The following MFSD6L variants were observed in gnomAD, a reference collection of about 807,000 sequenced individuals.
MFSD6L encodes the protein major facilitator superfamily domain containing 6 like, also known as major facilitator superfamily domain-containing protein 6-like.
MFSD6L carries 9 observed loss-of-function variants against 6.4 expected under a neutral mutation model. The ratio of observed to expected loss-of-function variants is 1.42; its 90% confidence interval spans 0.85 to 2.47. The LOEUF is 2.47. Among genes scored for constraint, MFSD6L ranks in the 30% most tolerant of loss-of-function variants. The pLI is 0.00. For synonymous variants in MFSD6L, 336 were observed against 322.4 expected, an observed-to-expected ratio of 1.04 and a Z score of -0.45; for missense variants, 747 against 730.6, an observed-to-expected ratio of 1.02 and a Z score of -0.26.
In MFSD6L at chr17:8,797,903, C is replaced by T. The variant is rs146136364; in HGVS notation, c.1218G>A (p.Ser406=). The T allele has an allele frequency of 2.4e-5, 38 of 1,614,028 alleles. No individual in the cohort carries two copies. The highest frequency in any genetic ancestry group is 1.3e-4 in the Admixed American group (8 of 60,024). The change falls in exon 1 of 1, where the codon TCG becomes TCA. Residue 406 remains serine (S), a synonymous_variant. Coordinates refer to ENST00000329805, the MANE Select transcript of MFSD6L (RefSeq NM_152599.4). ...HGSGELVMGF[S]VALSLLGEIL... ...TTTCCCCCAGCAAGCTGAGGGCGAC[C>T]GAGAAACCCATGACCAGCTCGCCGC...
Position 8,798,981 on chromosome 17 carries a change from C to T in MFSD6L, c.140G>A (p.Trp47Ter), listed in dbSNP as rs2087023707. 1 of 1,613,866 alleles carries T rather than the reference C, an allele frequency of 6.2e-7. No individual in the cohort carries two copies. Among genetic ancestry groups the T allele is most frequent in the Non-Finnish European group, 8.5e-7 (1 of 1,179,976 alleles). The change falls in exon 1 of 1, where the codon TGG (tryptophan) becomes TAG (stop). Residue 47 changes from tryptophan (W) to a stop codon, truncating the protein, a stop_gained. Coordinates refer to ENST00000329805, the MANE Select transcript of MFSD6L (RefSeq NM_152599.4). LOFTEE classifies it low-confidence loss of function (END_TRUNC). ...YLRQLGLAAP[W>*]VGTLMGTKHL... ...CTTGGTTCCCATTAGGGTGCCCACC[C>T]AGGGCGCGGCCAAGCCCAGCTGCCT...
In MFSD6L at chr17:8,799,219, G is replaced by A. The variant is rs2087025621; in HGVS notation, c.-99C>T. Reference sequence around the variant, plus strand: ...CCGGGAGGGAGGCTTGGGGGACCGGGGCTCGGAGCGAGTGGGACTGCGCCC... The same window carrying A: ...CCGGGAGGGAGGCTTGGGGGACCGGAGCTCGGAGCGAGTGGGACTGCGCCC... On this transcript the variant is annotated 5_prime_UTR_variant, in exon 1 of 1. Transcript: ENST00000329805. This position sits in a 1 kb window ranked among gnomAD's most constrained non-coding sequence, Gnocchi z 5.3. The A allele has an allele frequency of 8.6e-7, 1 of 1,156,670 alleles. No individual in the cohort carries two copies. Among genetic ancestry groups the A allele is most frequent in the Non-Finnish European group, 1.2e-6 (1 of 854,090 alleles). 71.7% of individuals were successfully genotyped at this position (1,156,670 alleles called of 1,614,324 possible).
rs1184093827 is a variant in MFSD6L, at chr17:8,798,257, C to T, written c.864G>A (p.Trp288Ter). 6.2e-7 allele frequency: 1 copy of T among 1,608,966 alleles called. No homozygotes were observed. Among genetic ancestry groups the T allele is most frequent in the Non-Finnish European group, 8.5e-7 (1 of 1,180,010 alleles). Reference protein sequence around the residue: ...VDATDRYRSLWVWRLLGMSAG... With the variant: ...VDATDRYRSL Reference sequence around the variant, plus strand: ...CCGACATGCCCAGCAACCTCCAGACCCACAGGCTTCTGTATCGGTCAGTGG... The same window carrying T: ...CCGACATGCCCAGCAACCTCCAGACTCACAGGCTTCTGTATCGGTCAGTGG... Residue 288 changes from tryptophan (W) to a stop codon, truncating the protein, a stop_gained, in exon 1 of 1, where the codon TGG becomes TGA. Coordinates refer to ENST00000329805, the MANE Select transcript of MFSD6L (RefSeq NM_152599.4). LOFTEE classifies it low-confidence loss of function (END_TRUNC).
rs963579983 is a variant in MFSD6L, at chr17:8,798,070, G to T, written c.1051C>A (p.Pro351Thr). 6 of 1,614,102 alleles carry T rather than the reference G, an allele frequency of 3.7e-6. No homozygotes were observed. Among genetic ancestry groups the T allele is most frequent in the Non-Finnish European group, 5.1e-6 (6 of 1,180,030 alleles). The change falls in exon 1 of 1, where the codon CCC (proline) becomes ACC (threonine). Residue 351 changes from proline to threonine, a missense_variant. Physicochemically the swap from Pro to Thr is conservative, Grantham distance 38. Transcript: ENST00000329805. Reference sequence around the variant, plus strand: ...AGTGCTTTGACCCTTTTGTAGCTGGGCTCCCACTGCTGACAGATGGGAATG... The same window carrying T: ...AGTGCTTTGACCCTTTTGTAGCTGGTCTCCCACTGCTGACAGATGGGAATG... ...FPIPICQQWE[P>T]SYKRVKALSI...
chr17:8,799,077 AC>A lies in MFSD6L; in HGVS notation c.43del (p.Val15TrpfsTer16). ...GCACACCAGGTGGAAGAGCTTGGCC[AC>A]CCCCAGCGCCCTGCTGATGTCCCAC... is the stretch of plus-strand genomic sequence containing the variant. ...PRWDISRALG[V>X]AKLFHLVCGV... is the part of the protein sequence containing the mutation. On this transcript the variant is annotated frameshift_variant, in exon 1 of 1. Transcript: ENST00000329805. LOFTEE classifies it low-confidence loss of function (END_TRUNC). The surrounding 1 kb of genome is among the most constrained non-coding windows in gnomAD (Gnocchi z 5.3). 2.5e-6 allele frequency: 4 copies of A among 1,594,512 alleles called. No homozygotes were observed. The highest frequency in any genetic ancestry group is 4.5e-5 in the East Asian group (2 of 44,714).
chr17:8,797,804 G>A lies in MFSD6L; in HGVS notation c.1317C>T (p.Ser439=), dbSNP rs751928954. Residue 439 remains serine, a synonymous_variant, in exon 1 of 1, where the codon AGC becomes AGT. Coordinates refer to ENST00000329805, the MANE Select transcript of MFSD6L (RefSeq NM_152599.4). The part of the protein sequence containing the change: ...SRTGLVGLGL[S]CLAGQLLYYS... ...AGTACAGCAGCTGCCCAGCGAGGCA[G>A]CTCAGCCCCAGCCCCACCAGGCCCG... 3.7e-6 allele frequency: 6 copies of A among 1,613,870 alleles called. No homozygotes were observed. The highest frequency in any genetic ancestry group is 2.2e-5 in the East Asian group (1 of 44,894).
At position 8,797,845 on chromosome 17, in the gene MFSD6L, T is replaced by C; in HGVS notation, c.1276A>G (p.Arg426Gly). The C allele has an allele frequency of 6.2e-7, 1 of 1,613,326 alleles. No homozygotes were observed. Among genetic ancestry groups the C allele is most frequent in the South Asian group, 1.1e-5 (1 of 90,926 alleles). Residue 426 changes from arginine (R) to glycine (G), a missense_variant, in exon 1 of 1, where the codon AGG becomes GGG. Coordinates refer to ENST00000329805, the MANE Select transcript of MFSD6L (RefSeq NM_152599.4). ...LLHPFKATLL[R>G]KLSRTGLVGL... ...ACCAGGCCCGTCCTGGACAGTTTCCTAAGCAATGTAGCTTTGAACGGATGA... is the reference window on the plus strand; with the variant it reads ...ACCAGGCCCGTCCTGGACAGTTTCCCAAGCAATGTAGCTTTGAACGGATGA...
chr17:8,797,978 G>A lies in MFSD6L; in HGVS notation c.1143C>T (p.Ile381=), dbSNP rs201411331. ...ACAGAAAGTTCTGGACAGTACTGACGATGGCTCCTACCAAAACAGTGGTGG... is the reference window on the plus strand; with the variant it reads ...ACAGAAAGTTCTGGACAGTACTGACAATGGCTCCTACCAAAACAGTGGTGG... ...LASTTVLVGA[I]VSTVQNFLFW... is the part of the protein sequence containing the mutation. Residue 381 remains isoleucine (I), a synonymous_variant, in exon 1 of 1, where the codon ATC becomes ATT. Coordinates refer to ENST00000329805, the MANE Select transcript of MFSD6L (RefSeq NM_152599.4). 50 of 1,613,966 alleles carry A rather than the reference G, an allele frequency of 3.1e-5. No homozygotes were observed. The highest frequency in any genetic ancestry group is 8.8e-5 in the South Asian group (8 of 91,072).
At position 8,797,456 on chromosome 17, in the gene MFSD6L, C is replaced by T. The variant is rs143521615; in HGVS notation, c.1665G>A (p.Lys555=). The change falls in exon 1 of 1, where the codon AAG becomes AAA. Residue 555 remains lysine, a synonymous_variant. Transcript: ENST00000329805. ...TGTCACTCACCTCCATGGACAGCAG[C>T]TTCGAGTACTTGATTTTCCGCTCTC... The part of the protein sequence containing the change: ...LPRERKIKYS[K]LLSMEVSDTS... The T allele has an allele frequency of 3.6e-4, 581 of 1,614,000 alleles. 1 individual carries two copies. The highest frequency in any genetic ancestry group is 6.6e-4 in the Middle Eastern group (4 of 6,062).
Position 8,798,638 on chromosome 17 carries a change from G to A in MFSD6L, c.483C>T (p.Asp161=). Residue 161 remains aspartate (D), a synonymous_variant, in exon 1 of 1, where the codon GAC becomes GAT. Transcript: ENST00000329805. ...CGTGCAGATCACGGAAAGTTTCTCG[G>A]TCACTTTCACCAGGTGGGTTTCTGA... ...PGFRNPPGES[D]RETFRDLHVY... 2 of 1,614,096 alleles carry A rather than the reference G, an allele frequency of 1.2e-6. No individual in the cohort carries two copies. Among genetic ancestry groups the A allele is most frequent in the Middle Eastern group, 1.6e-4 (1 of 6,062 alleles).
rs200456872 is a variant in MFSD6L, at chr17:8,798,391, G to A, written c.730C>T (p.Arg244Trp). Residue 244 changes from arginine to tryptophan, a missense_variant, in exon 1 of 1, where the codon CGG becomes TGG. Physicochemically the swap from Arg to Trp is moderately radical, Grantham distance 101 (BLOSUM62 -3). Transcript: ENST00000329805. ...GACCCCAAGGAGAGGATAAAAGTCC[G>A]CCGCAACGCCTCCAAGGACAGGTCA... Reference protein sequence around the residue: ...AFDLSLEALRRTFILSLGSVA... With the variant: ...AFDLSLEALRWTFILSLGSVA... 6.2e-5 allele frequency: 100 copies of A among 1,611,948 alleles called. No individual in the cohort carries two copies. Among genetic ancestry groups the A allele is most frequent in the Non-Finnish European group, 7.7e-5 (91 of 1,179,280 alleles).
In MFSD6L at chr17:8,798,453, G is replaced by T. The variant is rs1318162128; in HGVS notation, c.668C>A (p.Ala223Asp). The change falls in exon 1 of 1, where the codon GCC becomes GAC. Residue 223 changes from alanine (A) to aspartate (D), a missense_variant. Physicochemically the swap from Ala to Asp is moderately radical, Grantham distance 126 (BLOSUM62 -2). Coordinates refer to ENST00000329805, the MANE Select transcript of MFSD6L (RefSeq NM_152599.4). ...TTTCCCCTTGGTCCCTGACAAATTG[G>T]CTGGATTCCCGGGCCCTTTCCCCCC... ...LPGGKGPGNP[A>D]NLSGTKGKAW... 6.2e-7 allele frequency: 1 copy of T among 1,606,948 alleles called. No homozygotes were observed. Among genetic ancestry groups the T allele is most frequent in the African/African-American group, 1.3e-5 (1 of 74,774 alleles).
rs1488698271 is a variant in MFSD6L, at chr17:8,797,173, TCTC to T, written c.*184_*186del. ...TAAAAAAGATTGGCAAAAAGTTAAA[TCTC>T]CTTTTACTTCAAAAGTAAAGAAAAT... On this transcript the variant is annotated 3_prime_UTR_variant, in exon 1 of 1. Transcript: ENST00000329805. The T allele has an allele frequency of 6.2e-6, 3 of 486,328 alleles. No homozygotes were observed. In the Admixed American group the frequency reaches 1.1e-4, roughly 19 times the overall value. 30.1% of individuals were successfully genotyped at this position (486,328 alleles called of 1,614,324 possible). A position where few individuals can be genotyped will look rare whatever the true frequency, so the allele number is the denominator to read the frequency against.
rs1312895492 is a variant in MFSD6L at position 8,798,699 on chromosome 17, G to A, written c.422C>T (p.Pro141Leu). 6 of 1,614,098 alleles carry A rather than the reference G, an allele frequency of 3.7e-6. No homozygotes were observed. Among genetic ancestry groups the A allele is most frequent in the Non-Finnish European group, 4.2e-6 (5 of 1,180,034 alleles). The stretch of plus-strand genomic sequence containing the variant: ...TTCCACCTCTGCAGTCCTCTTGGCT[G>A]GGTGGCTGGAGGCAGACTCTTGGGC... Reference protein sequence around the residue: ...TSAQESASSHPAKRTAEVEMP... With the variant: ...TSAQESASSHLAKRTAEVEMP... The change falls in exon 1 of 1, where the codon CCA becomes CTA. Residue 141 changes from proline (P) to leucine (L), a missense_variant. Physicochemically the swap from Pro to Leu is moderately conservative, Grantham distance 98. Transcript: ENST00000329805.
In MFSD6L at chr17:8,798,302, C is replaced by T. The variant is rs970643002; in HGVS notation, c.819G>A (p.Glu273=). The change falls in exon 1 of 1, where the codon GAG becomes GAA. Residue 273 remains glutamate (E), a synonymous_variant. Transcript: ENST00000329805. ...LEQVADDSLY[E]FLDFVDATDR... ...CAGTGGCATCCACAAAATCCAGGAA[C>T]TCATAAAGGCTGTCATCTGCCACCT... The T allele has an allele frequency of 6.2e-7, 1 of 1,607,906 alleles. No individual in the cohort carries two copies. The highest frequency in any genetic ancestry group is 1.7e-5 in the Admixed American group (1 of 60,004).
chr17:8,797,946 T>G lies in MFSD6L; in HGVS notation c.1175A>C (p.His392Pro). ...CTCGCCGCTCCCATGGTCCTTCATG[T>G]GCCAGAACAGAAAGTTCTGGACAGT... ...VSTVQNFLFW[H>P]MKDHGSGELV... Residue 392 changes from histidine (H) to proline (P), a missense_variant, in exon 1 of 1, where the codon CAC (histidine) becomes CCC (proline). Coordinates refer to ENST00000329805, the MANE Select transcript of MFSD6L (RefSeq NM_152599.4). 1 of 1,613,858 alleles carries G rather than the reference T, an allele frequency of 6.2e-7. No homozygotes were observed. Among genetic ancestry groups the G allele is most frequent in the Non-Finnish European group, 8.5e-7 (1 of 1,179,992 alleles).
chr17:8,798,931 GA>G lies in MFSD6L; in HGVS notation c.189del (p.Val65SerfsTer16), dbSNP rs2087023323. The G allele has an allele frequency of 3.7e-6, 6 of 1,613,822 alleles. No homozygotes were observed. The highest frequency in any genetic ancestry group is 1.7e-4 in the Middle Eastern group (1 of 6,060). ...CTTTTGGCCAGGAAGGCACAGACGG[GA>G]GCCCAGAAGGCAGCGATTAGGTGCT... ...GTKHLIAAFW[A>X]PVCAFLAKSY... is the part of the protein sequence containing the mutation. On this transcript the variant is annotated frameshift_variant, in exon 1 of 1. Transcript: ENST00000329805. LOFTEE classifies it low-confidence loss of function (END_TRUNC).
rs745459191 is a variant in MFSD6L at position 8,799,177 on chromosome 17, G to A, written c.-57C>T. 4 of 1,462,450 alleles carry A rather than the reference G, an allele frequency of 2.7e-6. No individual in the cohort carries two copies. In the Admixed American group the frequency reaches 9.8e-5, roughly 36 times the overall value. The allele number at this position is 1,462,450 out of a possible 1,614,324, so 90.6% of individuals were successfully genotyped here. The stretch of plus-strand genomic sequence containing the variant: ...GGAGGGCGGAGCTGGGCGCAGGGCG[G>A]GCGCGGCCCCAGGTACCCGGGAGGG... On this transcript the variant is annotated 5_prime_UTR_variant, in exon 1 of 1. Transcript: ENST00000329805. This position sits in a 1 kb window ranked among gnomAD's most constrained non-coding sequence, Gnocchi z 5.3.
In MFSD6L at chr17:8,798,402, T is replaced by C. The variant is rs775075948; in HGVS notation, c.719A>G (p.Glu240Gly). The change falls in exon 1 of 1, where the codon GAG becomes GGG. Residue 240 changes from glutamate (E) to glycine (G), a missense_variant. Physicochemically the swap from Glu to Gly is moderately conservative, Grantham distance 98 (BLOSUM62 -2). Transcript: ENST00000329805. ...GKAWAFDLSL[E>G]ALRRTFILSL... ...GAGGATAAAAGTCCGCCGCAACGCC[T>C]CCAAGGACAGGTCAAAAGCCCAGGC... The C allele has an allele frequency of 1.2e-6, 2 of 1,611,216 alleles. No homozygotes were observed. Among genetic ancestry groups the C allele is most frequent in the Non-Finnish European group, 1.7e-6 (2 of 1,178,760 alleles).
Sources: allele counts gnomAD v4.1 joint callset, GRCh38; gene constraint gnomAD v4.1.1; non-coding constraint Gnocchi (gnomAD v3.1); transcripts MANE v1.5; gene names NCBI Gene and HGNC (gene_info 2026-07-23, HGNC 2026-07-21).